FAAH2: variants seen among roughly 807,000 people sequenced by gnomAD.
FAAH2 encodes fatty acid amide hydrolase 2, also known as fatty-acid amide hydrolase 2.
Under a neutral mutation model 36.9 loss-of-function variants are expected in FAAH2, and 60 were observed. The ratio of observed to expected loss-of-function variants is 1.63; its 90% CI spans 1.32 to 2.02. The LOEUF (loss-of-function observed/expected upper bound fraction) is 2.02, where lower values mean the gene tolerates loss of function less well. Among genes scored for constraint, FAAH2 ranks in the 30% most tolerant of loss-of-function variants. The pLI is 0.00. For missense variants in FAAH2, 689 were observed against 397.5 expected (o/e 1.73, Z -6.23); for synonymous variants, 214 against 143.8 (o/e 1.49, Z -3.49).
the FAAH2 span, among the ~76,000 whole-genome samples, chrX:57,160,705 A>C: frequency 1.4e-4 from 15 of 111,009 alleles, no homozygotes; most frequent in African/African-American, 4.9e-4. Flanking sequence ...GTCCTTTTTT[A>C]TTGCATCTAT....
At chrX:57,208,817 C>T in the FAAH2 span, among the ~76,000 whole-genome samples, 1 of 112,162 alleles carries the variant, frequency 8.9e-6, no homozygotes, top group Non-Finnish European at 1.9e-5. Flanking sequence ...TTATCTGCAG[C>T]AGGAACACGT....
At chrX:57,468,917 A>C (rs1186592056) in intron 10 of FAAH2, among the ~76,000 whole-genome samples, 2 of 112,119 alleles carry the variant, frequency 1.8e-5, no homozygotes, top group Non-Finnish European at 3.8e-5. Flanking sequence ...AAACTCTACA[A>C]ACCAGAAGAG....
intron 5 of FAAH2, among the ~76,000 whole-genome samples, chrX:57,343,469 TAC>T (rs2053742078): frequency 8.9e-6 from 1 of 111,823 alleles, no homozygotes; most frequent in African/African-American, 3.2e-5. Context: ...ATTGATTATT[TAC>T]TTTTTGCTTG....
the FAAH2 span, among the ~76,000 whole-genome samples, chrX:57,163,835 G>C: frequency 8.9e-6 from 1 of 112,407 alleles, no homozygotes; most frequent in East Asian, 2.8e-4. Context: ...CGTTGCTCAC[G>C]CTGGGAGCTG....
intron 10 of FAAH2, among the ~76,000 whole-genome samples, chrX:57,455,947 A>G (rs2056857866): frequency 8.9e-6 from 1 of 112,037 alleles, no homozygotes; most frequent in Non-Finnish European, 1.9e-5. Flanking sequence ...CATTTGATCA[A>G]TTGGACCCAA....
chrX:57,363,537 T>C (rs1408556525), intron 5 of FAAH2, among the ~76,000 whole-genome samples: 1 of 111,326 alleles, frequency 9.0e-6, no homozygotes, highest in African/African-American at 3.3e-5. Flanking sequence ...TTCCTTTCTT[T>C]TATTTGGATG....
chrX:57,204,580 A>G, the FAAH2 span, among the ~76,000 whole-genome samples: 1 of 111,915 alleles, frequency 8.9e-6, no homozygotes, highest in Non-Finnish European at 1.9e-5. Flanking sequence ...GCCTGGAGAA[A>G]CACAAGCATA....
At chrX:57,172,781 GGCCTGCCA>G in the FAAH2 span, among the ~76,000 whole-genome samples, 15 of 111,585 alleles carry the variant, frequency 1.3e-4, no homozygotes, top group Non-Finnish European at 2.5e-4. Context: ...ACTGGTTGAT[GGCCTGCCA>G]GCCTGCTGGT....
Position 57,286,765 on chromosome X carries a change from G to T in FAAH2, c.-61G>T. 1 of 1,013,529 alleles carries T rather than the reference G, an allele frequency of 9.9e-7. No individual in the cohort carries two copies. The highest frequency in any genetic ancestry group is 4.2e-5 in the Admixed American group (1 of 23,845). The allele number at this position is 1,013,529 out of a possible 1,213,427, so 83.5% of individuals were successfully genotyped here. On this transcript the variant is annotated 5_prime_UTR_variant, in exon 1 of 11. Coordinates refer to ENST00000374900, the MANE Select transcript of FAAH2 (RefSeq NM_174912.4). ...TCCCTCTTTGCTTAGTACTTTTCTC[G>T]TCCTTTCCCCAGGGTGCACGTAACC...
At chrX:57,412,864 TC>T (rs1387884568) in intron 7 of FAAH2, among the ~76,000 whole-genome samples, 1 of 112,186 alleles carries the variant, frequency 8.9e-6, no homozygotes, top group Non-Finnish European at 1.9e-5. Context: ...TTCCTATTTC[TC>T]CACACCCTCT....
chrX:57,349,344 T>A (rs1224984054), intron 5 of FAAH2, among the ~76,000 whole-genome samples: 1 of 97,842 alleles, frequency 1.0e-5, no homozygotes, highest in Non-Finnish European at 2.0e-5. Flanking sequence ...TATAATGTTT[T>A]ATACACATAT....
At chrX:57,216,329 G>A in the FAAH2 span, among the ~76,000 whole-genome samples, 1 of 104,428 alleles carries the variant, frequency 9.6e-6, no homozygotes, top group African/African-American at 3.5e-5. Context: ...TTATGCCTTT[G>A]TGTCCTCATA....
the FAAH2 span, among the ~76,000 whole-genome samples, chrX:57,269,950 A>T: frequency 9.0e-6 from 1 of 111,367 alleles, no homozygotes; most frequent in African/African-American, 3.3e-5. Flanking sequence ...CTTTTAAAAA[A>T]ATAATAAAAT....
chrX:57,457,451 G>T (rs189878800), intron 10 of FAAH2, among the ~76,000 whole-genome samples: 3 of 106,202 alleles, frequency 2.8e-5, no homozygotes, highest in Non-Finnish European at 5.8e-5. Context: ...GCTAGCCAGC[G>T]CAATGAAGAA....
chrX:57,160,051 T>G, the FAAH2 span, among the ~76,000 whole-genome samples: 1 of 112,073 alleles, frequency 8.9e-6, no homozygotes, highest in African/African-American at 3.2e-5. Flanking sequence ...GCATGAAGCA[T>G]TGCTGAATTT....
At chrX:57,145,097 G>A in the FAAH2 span, among the ~76,000 whole-genome samples, 2 of 111,701 alleles carry the variant, frequency 1.8e-5, no homozygotes, top group African/African-American at 6.5e-5. Flanking sequence ...TGGATCAAAT[G>A]TTAGTTCTAC....
the FAAH2 span, among the ~76,000 whole-genome samples, chrX:57,265,707 C>T: frequency 4.5e-5 from 5 of 112,221 alleles, no homozygotes; most frequent in African/African-American, 1.6e-4. Context: ...TGGGAAAGAG[C>T]TCCCAGAGGG....
chrX:57,288,567 G>A (rs1279870734), intron 1 of FAAH2, among the ~76,000 whole-genome samples: 2 of 108,581 alleles, frequency 1.8e-5, no homozygotes, highest in East Asian at 5.8e-4. Flanking sequence ...AGCCAGGATG[G>A]TCTTGATCTC....
the FAAH2 span, among the ~76,000 whole-genome samples, chrX:57,279,267 C>G: frequency 8.9e-6 from 1 of 112,439 alleles, no homozygotes; most frequent in Non-Finnish European, 1.9e-5. Context: ...GAATACTATG[C>G]AGCCATAAAA....
Sources: allele counts gnomAD v4.1 joint callset (sites outside exome capture counted in the v4.1 genomes callset), GRCh38; gene constraint gnomAD v4.1.1; transcripts MANE v1.5; gene names NCBI Gene and HGNC (gene_info 2026-07-23, HGNC 2026-07-21).